Variants in KCNMB2 observed in about 807,000 individuals in gnomAD.
KCNMB2 encodes the protein potassium calcium-activated channel subfamily M regulatory beta subunit 2, also known as calcium-activated potassium channel subunit beta-2.
Under a neutral mutation model 24.5 loss-of-function variants are expected in KCNMB2, and 9 were observed. The observed-to-expected ratio is 0.37, with a 90% CI of 0.22 to 0.64. KCNMB2 has a LOEUF of 0.64. Ranked by LOEUF, KCNMB2 falls within the 30% of genes least tolerant of loss-of-function variation. KCNMB2 has a pLI of 0.63. For missense variants in KCNMB2, 226 were observed against 284.3 expected, an observed-to-expected ratio of 0.79 and a Z score of 1.47; for synonymous variants, 109 against 104.4, an observed-to-expected ratio of 1.04 and a Z score of -0.27.
At chr3:178,817,156 G>C (rs1714433751) in intron 2 of KCNMB2, among the ~76,000 whole-genome samples, 1 of 147,424 alleles carries the variant, frequency 6.8e-6, no homozygotes, top group Admixed American at 6.7e-5. Context: ...GAAGTCCCAT[G>C]AATTAATACG....
chr3:178,758,739 G>GAT (rs543563641), intron 1 of KCNMB2, among the ~76,000 whole-genome samples: 4 of 9,442 alleles, frequency 4.2e-4, no homozygotes, highest in East Asian at 1.3e-3. Flanking sequence ...TCCAAGAGGA[G>GAT]ATATATATAT....
At chr3:178,584,672 C>T (rs1717357949) in intron 1 of KCNMB2, among the ~76,000 whole-genome samples, 2 of 150,722 alleles carry the variant, frequency 1.3e-5, no homozygotes, top group African/African-American at 4.9e-5. Flanking sequence ...TTTTTGTTAA[C>T]AGTCTTAATA....
chr3:178,563,289 G>C (rs1577012636), intron 1 of KCNMB2, among the ~76,000 whole-genome samples: 1 of 152,236 alleles, frequency 6.6e-6, no homozygotes, highest in Non-Finnish European at 1.5e-5. Context: ...ACCTAAAGTA[G>C]TATCTGCACA....
intron 1 of KCNMB2, among the ~76,000 whole-genome samples, chr3:178,596,012 T>C (rs1372195013): frequency 1.3e-5 from 2 of 152,060 alleles, no homozygotes; most frequent in Non-Finnish European, 2.9e-5. Context: ...AGGAGAATGA[T>C]GACCCCAAGA....
At chr3:178,600,130 G>A (rs775167376) in intron 1 of KCNMB2, among the ~76,000 whole-genome samples, 32 of 152,046 alleles carry the variant, frequency 2.1e-4, no homozygotes, top group Middle Eastern at 3.2e-3. Context: ...CACCCACCTC[G>A]GCCTCCCAAA....
chr3:178,670,921 T>C (rs541739737), intron 1 of KCNMB2, among the ~76,000 whole-genome samples: 75 of 152,242 alleles, frequency 4.9e-4, no homozygotes, highest in African/African-American at 1.7e-3. Flanking sequence ...CCTCTGGGAA[T>C]GTACAAAAGG....
intron 1 of KCNMB2, among the ~76,000 whole-genome samples, chr3:178,693,434 G>A (rs965986294): frequency 2.6e-5 from 4 of 152,118 alleles, no homozygotes; most frequent in Non-Finnish European, 2.9e-5. Context: ...TCAATAACGA[G>A]TTTATTGGGA....
At chr3:178,697,726 G>A (rs146346033) in intron 1 of KCNMB2, among the ~76,000 whole-genome samples, 8 of 152,220 alleles carry the variant, frequency 5.3e-5, no homozygotes, top group South Asian at 2.1e-4. Flanking sequence ...GTGTGTTTTC[G>A]TAGTGGCTGG....
chr3:178,613,289 T>A lies in KCNMB2; in HGVS notation c.-68+76578T>A, dbSNP rs184273941. Among the ~76,000 whole-genome samples, 61 of 152,246 alleles carry A rather than the reference T, an allele frequency of 4.0e-4. 1 individual carries two copies. Among genetic ancestry groups the A allele is most frequent in the Non-Finnish European group, 8.8e-5 (6 of 68,008 alleles). On this transcript the variant is annotated intron_variant, in intron 1 of 4. Coordinates refer to ENST00000452583, the MANE Select transcript of KCNMB2 (RefSeq NM_181361.3). ...GGTGGGCGCCTTTAATCCCCACTACTTGGGAGGCTGAGGCAGGAGAATCTC... is the reference window on the plus strand; with the variant it reads ...GGTGGGCGCCTTTAATCCCCACTACATGGGAGGCTGAGGCAGGAGAATCTC...
At chr3:178,663,664 A>G (rs1720615350) in intron 1 of KCNMB2, among the ~76,000 whole-genome samples, 1 of 152,150 alleles carries the variant, frequency 6.6e-6, no homozygotes, top group Non-Finnish European at 1.5e-5. Flanking sequence ...GCTGCTCTCT[A>G]GGGACCTAGC....
At chr3:178,765,506 A>G (rs905783839) in intron 1 of KCNMB2, among the ~76,000 whole-genome samples, 1 of 152,224 alleles carries the variant, frequency 6.6e-6, no homozygotes, top group Non-Finnish European at 1.5e-5. Context: ...TTCAGTAAAC[A>G]TGATTTGGCT....
At chr3:178,591,794 TGA>T (rs1335848508) in intron 1 of KCNMB2, among the ~76,000 whole-genome samples, 3 of 152,152 alleles carry the variant, frequency 2.0e-5, no homozygotes, top group African/African-American at 7.2e-5. Context: ...TGCTTTCCTG[TGA>T]ACCCCTGGGA....
chr3:178,702,435 AAT>A (rs138867739), intron 1 of KCNMB2, among the ~76,000 whole-genome samples: 2 of 150,684 alleles, frequency 1.3e-5, no homozygotes, highest in Non-Finnish European at 3.0e-5. Context: ...AAGTATAATA[AAT>A]ATATATATAT....
chr3:178,542,645 T>A (rs188299890), intron 1 of KCNMB2, among the ~76,000 whole-genome samples: 1 of 152,188 alleles, frequency 6.6e-6, no homozygotes, highest in Non-Finnish European at 1.5e-5. Context: ...GTTAGGAGAA[T>A]TTTTTTAAAG....
chr3:178,827,176 C>A (rs1355518412), intron 3 of KCNMB2, among the ~76,000 whole-genome samples: 1 of 152,160 alleles, frequency 6.6e-6, no homozygotes, highest in African/African-American at 2.4e-5. Flanking sequence ...CAAAACCAAA[C>A]CATCAATTGC....
intron 1 of KCNMB2, among the ~76,000 whole-genome samples, chr3:178,682,317 C>G (rs759626590): frequency 1.3e-5 from 2 of 152,156 alleles, no homozygotes; most frequent in African/African-American, 2.4e-5. Flanking sequence ...ATAGTCACTA[C>G]ACAATAATTG....
intron 1 of KCNMB2, among the ~76,000 whole-genome samples, chr3:178,781,668 G>T (rs1712847612): frequency 6.6e-6 from 1 of 151,716 alleles, no homozygotes; most frequent in Non-Finnish European, 1.5e-5. Flanking sequence ...GGTGACTGCT[G>T]GGATCTGGGA....
At chr3:178,771,614 T>C (rs912457052) in intron 1 of KCNMB2, among the ~76,000 whole-genome samples, 6 of 151,248 alleles carry the variant, frequency 4.0e-5, no homozygotes, top group South Asian at 2.1e-4. Flanking sequence ...TCCCAAAGCA[T>C]TGGAATTACA....
intron 1 of KCNMB2, among the ~76,000 whole-genome samples, chr3:178,726,779 A>T (rs1722980280): frequency 6.6e-6 from 1 of 152,164 alleles, no homozygotes; most frequent in Admixed American, 6.6e-5. Flanking sequence ...TATAGCAAAC[A>T]TAAAATGTTT....
Sources: gnomAD v4.1 joint callset for allele counts (sites outside exome capture counted in the v4.1 genomes callset) on GRCh38, gnomAD v4.1.1 for gene constraint, MANE v1.5 for transcripts, NCBI Gene and HGNC (gene_info 2026-07-23, HGNC 2026-07-21) for gene names.